FAM234B: variants seen among roughly 807,000 people sequenced by gnomAD.
The protein encoded by FAM234B is family with sequence similarity 234 member B, also known as protein FAM234B.
Under a neutral mutation model 69.3 loss-of-function variants are expected in FAM234B, and 33 were observed. The ratio of observed to expected loss-of-function variants is 0.48; its 90% CI spans 0.36 to 0.64. The LOEUF (loss-of-function observed/expected upper bound fraction) is 0.64, where lower values mean the gene tolerates loss of function less well. Among genes scored for constraint, FAM234B ranks in the 30% least tolerant of loss-of-function variants. The pLI, the probability that FAM234B is intolerant of heterozygous loss-of-function variation, is 0.00. For missense variants in FAM234B, 697 were observed against 769.7 expected (o/e 0.91, Z 1.12); for synonymous variants, 306 against 306.9 (o/e 1.00, Z 0.03).
chr12:13,066,719 T>C lies in FAM234B; in HGVS notation c.932T>C (p.Val311Ala), dbSNP rs748162017. 22 of 1,613,742 alleles carry C rather than the reference T, an allele frequency of 1.4e-5. No individual in the cohort carries two copies. Among genetic ancestry groups the C allele is most frequent in the Middle Eastern group, 1.6e-4 (1 of 6,084 alleles). ...CCTGTGAAGTACAACATCGTTGGAG[T>C]TGGGAATCTGATTGGTCCTCAGGTT... ...GRPVKYNIVG[V>A]GNLIGPQVYI... The change falls in exon 6 of 13, where the codon GTT (valine) becomes GCT (alanine). Residue 311 changes from valine to alanine, a missense_variant. Around this residue, in one of 3 missense-constraint regions of FAM234B, gnomAD observed 380 missense variants for 447.1 expected, o/e 0.85. Coordinates refer to ENST00000197268, the MANE Select transcript of FAM234B (RefSeq NM_020853.2).
rs1343957414 is a variant in FAM234B, at chr12:13,050,035, T to C, written c.38-5516T>C. On this transcript the variant is annotated intron_variant, in intron 1 of 12. Transcript: ENST00000197268. ...TGGCTCCCCACCAGCACTCTTCCTG[T>C]GTGGATGTCTCTATCCTGGCTAGGA... Among the ~76,000 whole-genome samples, 4 of 152,204 alleles carry C rather than the reference T, an allele frequency of 2.6e-5. No homozygotes were observed. In the East Asian group the frequency reaches 7.7e-4, roughly 29 times the overall value.
intron 2 of FAM234B, among the ~76,000 whole-genome samples, chr12:13,057,661 T>C (rs1478178980): frequency 1.3e-5 from 2 of 152,214 alleles, no homozygotes; most frequent in Non-Finnish European, 2.9e-5. Context: ...CCACTAGCAA[T>C]GTGTGAATTC....
intron 1 of FAM234B, among the ~76,000 whole-genome samples, chr12:13,047,529 C>T (rs1048969626): frequency 2.6e-5 from 4 of 151,972 alleles, no homozygotes; most frequent in African/African-American, 2.4e-5. Context: ...TTCCTGAAAA[C>T]GTTTGGGTAT....
chr12:13,056,257 G>C (rs962487059), intron 2 of FAM234B, among the ~76,000 whole-genome samples: 1 of 152,186 alleles, frequency 6.6e-6, no homozygotes, highest in African/African-American at 2.4e-5. Flanking sequence ...GCTGTAGGAA[G>C]GGCTATTTAC....
intron 1 of FAM234B, among the ~76,000 whole-genome samples, chr12:13,049,921 G>T (rs1864856996): frequency 6.6e-6 from 1 of 152,056 alleles, no homozygotes; most frequent in South Asian, 2.1e-4. Flanking sequence ...ATATTTAAAT[G>T]GGGCGGTTGT....
In FAM234B at chr12:13,055,627, G is replaced by A. The variant is rs373613503; in HGVS notation, c.114G>A (p.Val38=). ...ADSDESEDDL[V]LNLQKNGGVK... is the part of the protein sequence containing the mutation. ...GTGATGAGAGCGAAGACGATCTGGT[G>A]CTTAACCTGCAGAAGAATGGAGGGG... The change falls in exon 2 of 13, where the codon GTG becomes GTA. Residue 38 remains valine (V), a synonymous_variant. Transcript: ENST00000197268. 2 of 1,614,088 alleles carry A rather than the reference G, an allele frequency of 1.2e-6. No homozygotes were observed. The highest frequency in any genetic ancestry group is 2.7e-5 in the African/African-American group (2 of 74,938).
At position 13,082,663 on chromosome 12, in the gene FAM234B, C is replaced by T. The variant is rs1165588867; in HGVS notation, c.*2033C>T. 1 of 152,116 alleles carries T rather than the reference C, an allele frequency of 6.6e-6. No homozygotes were observed. Among genetic ancestry groups the T allele is most frequent in the Non-Finnish European group, 1.5e-5 (1 of 68,016 alleles). 9.4% of individuals were successfully genotyped at this position (152,116 alleles called of 1,614,324 possible). Reference sequence around the variant, plus strand: ...ATTAATTTATAGGCAGCTGAATACCCAAAACTTGGGTGGTGGTCCTGTGGT... The same window carrying T: ...ATTAATTTATAGGCAGCTGAATACCTAAAACTTGGGTGGTGGTCCTGTGGT... On this transcript the variant is annotated 3_prime_UTR_variant, in exon 13 of 13. Transcript: ENST00000197268.
chr12:13,066,812 TC>T, intron 6 of FAM234B, 25 bp downstream of exon 6: 1 of 1,604,910 alleles, frequency 6.2e-7, no homozygotes. Context: ...TAGTTTTTGC[TC>T]CTGTTCCCCA....
chr12:13,081,527 G>A lies in FAM234B; in HGVS notation c.*897G>A, dbSNP rs1167986734. ...GAGCCTTTGATGTCCTTATCCTGCT[G>A]TATGTCTTCTCTGCATCTTTTTCTA... On this transcript the variant is annotated 3_prime_UTR_variant, in exon 13 of 13. Transcript: ENST00000197268. 6.6e-6 allele frequency: 1 copy of A among 152,178 alleles called. No homozygotes were observed. Among genetic ancestry groups the A allele is most frequent in the African/African-American group, 2.4e-5 (1 of 41,422 alleles). 9.4% of individuals were successfully genotyped at this position (152,178 alleles called of 1,614,324 possible). A position where few individuals can be genotyped will look rare whatever the true frequency, so the allele number is the denominator to read the frequency against.
chr12:13,080,068 C>A, intron 12 of FAM234B, 59 bp downstream of exon 12: 1 of 1,286,392 alleles, frequency 7.8e-7, no homozygotes. Flanking sequence ...CTACCAATTC[C>A]AGCTTTGTCT....
intron 4 of FAM234B, 129 bp downstream of exon 4, chr12:13,061,892 G>A: frequency 1.4e-6 from 1 of 738,894 alleles, no homozygotes; most frequent in Non-Finnish European, 2.2e-6. Context: ...CTGGAATATG[G>A]TTATTAAGAG....
rs1865212944 is a variant in FAM234B at position 13,080,502 on chromosome 12, A to G, written c.1864-123A>G. 6 of 729,554 alleles carry G rather than the reference A, an allele frequency of 8.2e-6. No homozygotes were observed. In the South Asian group the frequency reaches 1.1e-4, roughly 13 times the overall value. The allele number at this position is 729,554 out of a possible 1,614,324, so 45.2% of individuals were successfully genotyped here. On this transcript the variant is annotated intron_variant, in intron 12 of 12. Transcript: ENST00000197268. ...TTCTGGAAGGAGGAAATGTTTACAG[A>G]CTATTGGAGCTAAAGAAAAGGACGG...
At chr12:13,080,594 C>T (rs1565513686) in intron 12 of FAM234B, 31 bp from the exon 13 acceptor site, 1 of 1,586,960 alleles carries the variant, frequency 6.3e-7, no homozygotes, top group African/African-American at 1.3e-5. Context: ...CCATGAAAAA[C>T]AATAAAGTCA....
intron 11 of FAM234B, among the ~76,000 whole-genome samples, chr12:13,076,674 C>G (rs1865163196): frequency 6.6e-6 from 1 of 152,242 alleles, no homozygotes. Context: ...TGGCCATAAT[C>G]TGGCCACTCA....
At chr12:13,058,595 C>T in intron 3 of FAM234B, 46 bp downstream of exon 3, 5 of 1,503,106 alleles carry the variant, frequency 3.3e-6, no homozygotes, top group Non-Finnish European at 4.6e-6. Context: ...GCACTGTCAG[C>T]TAGGAGAAAA....
rs747902754 is a variant in FAM234B, at chr12:13,067,136, G to A, written c.1001-19G>A. 6.2e-7 allele frequency: 1 copy of A among 1,613,814 alleles called. No homozygotes were observed. The highest frequency in any genetic ancestry group is 2.2e-5 in the East Asian group (1 of 44,882). The stretch of plus-strand genomic sequence containing the variant: ...CTGTTAAATTCAACTTCTCAGTGTT[G>A]GTTCTTCTGTGGTGCTAGGAAATAT... On this transcript the variant is annotated intron_variant, in intron 6 of 12. Coordinates refer to ENST00000197268, the MANE Select transcript of FAM234B (RefSeq NM_020853.2). The surrounding 1 kb of genome is among the most constrained non-coding windows in gnomAD (Gnocchi z 4.7).
intron 1 of FAM234B, among the ~76,000 whole-genome samples, chr12:13,053,137 G>A (rs777056010): frequency 6.6e-6 from 1 of 151,950 alleles, no homozygotes; most frequent in Non-Finnish European, 1.5e-5. Flanking sequence ...TAAAAATCAA[G>A]TCTAATATTT....
Position 13,052,098 on chromosome 12 carries a change from T to C in FAM234B, c.38-3453T>C, listed in dbSNP as rs557227825. On this transcript the variant is annotated intron_variant, in intron 1 of 12. Coordinates refer to ENST00000197268, the MANE Select transcript of FAM234B (RefSeq NM_020853.2). ...TAAATACCATATCATATGTCTCTTA[T>C]GATTGATACCTTTGAGTGTTTGAAG... Among the ~76,000 whole-genome samples the C allele has an allele frequency of 4.6e-5, 7 of 152,314 alleles. No homozygotes were observed. In the East Asian group the frequency reaches 5.8e-4, roughly 13 times the overall value.
chr12:13,057,004 G>T (rs1272057377), intron 2 of FAM234B, among the ~76,000 whole-genome samples: 3 of 143,470 alleles, frequency 2.1e-5, no homozygotes, highest in Admixed American at 6.9e-5. Context: ...TTGCGACAGA[G>T]TCTTGCTCTG....
Sources: gnomAD v4.1 joint callset for allele counts (sites outside exome capture counted in the v4.1 genomes callset) on GRCh38, gnomAD v4.1.1 for gene constraint, gnomAD v4.1.1 regional missense constraint, Gnocchi (gnomAD v3.1) non-coding constraint, MANE v1.5 for transcripts, NCBI Gene and HGNC (gene_info 2026-07-23, HGNC 2026-07-21) for gene names.